MLLT10: variants seen among roughly 807,000 people sequenced by gnomAD.
MLLT10 encodes protein AF-10.
MLLT10 carries 30 observed loss-of-function variants against 129.1 expected under a neutral mutation model. The ratio of observed to expected loss-of-function variants is 0.23; its 90% CI spans 0.17 to 0.32. The LOEUF (loss-of-function observed/expected upper bound fraction) is 0.32. Ranked by LOEUF, MLLT10 falls within the 10% of genes least tolerant of loss-of-function variation. The pLI is 1.00. For missense variants in MLLT10, 1,119 were observed against 1,268.3 expected (o/e 0.88, Z 1.79); for synonymous variants, 490 against 446.4 (o/e 1.10, Z -1.23).
chr10:21,707,735 T>C (rs1054827880), intron 13 of MLLT10, among the ~76,000 whole-genome samples: 16 of 152,330 alleles, frequency 1.1e-4, no homozygotes, highest in Non-Finnish European at 2.1e-4. Flanking sequence ...TTAGCAAAAA[T>C]TCAGAACACC....
rs11012738 is a variant in MLLT10 at position 21,567,040 on chromosome 10, C to T, written c.241-19254C>T. 8.5e-5 allele frequency among the ~76,000 whole-genome samples: 13 copies of T among 152,060 alleles called. No homozygotes were observed. In the East Asian group the frequency reaches 1.5e-3, roughly 18 times the overall value. ...GTTGGTCAGGCTGTTCTCGAACTTC[C>T]GACTTGAGGTGATCCACCCACCTCG... On this transcript the variant is annotated intron_variant, in intron 3 of 22. Transcript: ENST00000307729.
At chr10:21,734,437 T>C (rs1564746924) in intron 20 of MLLT10, among the ~76,000 whole-genome samples, 2 of 152,226 alleles carry the variant, frequency 1.3e-5, no homozygotes, top group South Asian at 2.1e-4. Context: ...AAGAAAGATA[T>C]CGTAGTGGAG....
chr10:21,607,196 A>G (rs1017559753), intron 5 of MLLT10, among the ~76,000 whole-genome samples: 2 of 152,172 alleles, frequency 1.3e-5, no homozygotes, highest in Non-Finnish European at 2.9e-5. Context: ...ACTTGCAGAG[A>G]ACAGTTTTCT....
At chr10:21,543,245 C>T (rs575993121) in intron 3 of MLLT10, among the ~76,000 whole-genome samples, 63 of 152,052 alleles carry the variant, frequency 4.1e-4, no homozygotes, top group African/African-American at 1.5e-3. Flanking sequence ...CTCAGTCTCC[C>T]CAGTAGCTGG....
Position 21,742,004 on chromosome 10 carries a change from A to C in MLLT10, c.*21A>C. On this transcript the variant is annotated 3_prime_UTR_variant, in exon 23 of 23. Transcript: ENST00000307729. Reference sequence around the variant, plus strand: ...GTTGACACCTGAGAAACATCTAGAAATTGCCTATCCTGCTGTTCTAGCACT... The same window carrying C: ...GTTGACACCTGAGAAACATCTAGAACTTGCCTATCCTGCTGTTCTAGCACT... 1.2e-6 allele frequency: 2 copies of C among 1,611,238 alleles called. No individual in the cohort carries two copies. The highest frequency in any genetic ancestry group is 8.5e-7 in the Non-Finnish European group (1 of 1,178,992).
At position 21,740,107 on chromosome 10, in the gene MLLT10, G is replaced by A; in HGVS notation, c.3033G>A (p.Leu1011=). 1.9e-6 allele frequency: 3 copies of A among 1,614,060 alleles called. No homozygotes were observed. Among genetic ancestry groups the A allele is most frequent in the East Asian group, 2.2e-5 (1 of 44,886 alleles). The change falls in exon 22 of 23, where the codon CTG becomes CTA. Residue 1011 remains leucine, a synonymous_variant. Coordinates refer to ENST00000307729, the MANE Select transcript of MLLT10 (RefSeq NM_001195626.3). ...ACCACCAACCTGAACTTCAGCAGCT[G>A]CAGATCCCTGGACCAACACAAATAC... The part of the protein sequence containing the change: ...QQHHQPELQQ[L]QIPGPTQIPI...
In MLLT10 at chr10:21,673,780, A is replaced by T. The variant is rs754145831; in HGVS notation, c.1482A>T (p.Ser494=). 6.2e-7 allele frequency: 1 copy of T among 1,614,196 alleles called. No homozygotes were observed. Among genetic ancestry groups the T allele is most frequent in the Non-Finnish European group, 8.5e-7 (1 of 1,180,026 alleles). ...ATCAAGAGAATGTTTCTCATCTCTC[A>T]GTTTCTTCTGCTTCACCAACATCAT... ...NKNQENVSHL[S]VSSASPTSSV... is the part of the protein sequence containing the mutation. Residue 494 remains serine (S), a synonymous_variant, in exon 11 of 23, where the codon TCA becomes TCT. Coordinates refer to ENST00000307729, the MANE Select transcript of MLLT10 (RefSeq NM_001195626.3).
chr10:21,549,630 C>CAAGTGTG (rs2036651331), intron 3 of MLLT10, among the ~76,000 whole-genome samples: 1 of 148,168 alleles, frequency 6.7e-6, no homozygotes, highest in Non-Finnish European at 1.5e-5. Context: ...GGGTAAGCTT[C>CAAGTGTG]AAGTGTGGTC....
chr10:21,580,010 G>A (rs1589052947), intron 3 of MLLT10, among the ~76,000 whole-genome samples: 1 of 149,004 alleles, frequency 6.7e-6, no homozygotes. Flanking sequence ...TTTTTGTTTT[G>A]TTTTTTCTTT....
chr10:21,534,137 G>C, upstream of MLLT10: 1 of 335,082 alleles, frequency 3.0e-6, no homozygotes, highest in East Asian at 4.4e-5. Context: ...ACGGGGCCCC[G>C]GAGGTAGGCC....
intron 13 of MLLT10, among the ~76,000 whole-genome samples, chr10:21,711,780 G>A (rs577960237): frequency 3.9e-5 from 6 of 152,212 alleles, no homozygotes; most frequent in Non-Finnish European, 5.9e-5. Context: ...AAATTAGCTT[G>A]AAAAGCAACA....
At chr10:21,585,388 G>C (rs2041896011) in intron 3 of MLLT10, among the ~76,000 whole-genome samples, 1 of 152,010 alleles carries the variant, frequency 6.6e-6, no homozygotes, top group Admixed American at 6.6e-5. Flanking sequence ...TTTTATTTTT[G>C]GTTTTAAATT....
chr10:21,709,592 T>C (rs2055875364), intron 13 of MLLT10, among the ~76,000 whole-genome samples: 1 of 152,266 alleles, frequency 6.6e-6, no homozygotes, highest in Non-Finnish European at 1.5e-5. Context: ...TCAATATTTG[T>C]TGAATTATCT....
chr10:21,535,899 C>T (rs1480829751), intron 2 of MLLT10, among the ~76,000 whole-genome samples: 1 of 152,202 alleles, frequency 6.6e-6, no homozygotes, highest in Non-Finnish European at 1.5e-5. Context: ...AGGTAGTGTA[C>T]TTACTCTGAG....
chr10:21,697,338 C>T (rs552322518), intron 13 of MLLT10, among the ~76,000 whole-genome samples: 2 of 151,940 alleles, frequency 1.3e-5, no homozygotes, highest in African/African-American at 2.4e-5. Context: ...TGGTGGAAGG[C>T]GCCTGTAATC....
intron 10 of MLLT10, among the ~76,000 whole-genome samples, chr10:21,671,251 A>C (rs986888007): frequency 6.6e-5 from 10 of 152,198 alleles, no homozygotes; most frequent in Non-Finnish European, 1.5e-5. Context: ...TGCTGATCTC[A>C]GGTGATCCTC....
chr10:21,702,348 T>G (rs1017298917), intron 13 of MLLT10, among the ~76,000 whole-genome samples: 2 of 152,242 alleles, frequency 1.3e-5, no homozygotes, highest in African/African-American at 4.8e-5. Flanking sequence ...AGATTTGTTT[T>G]GTGTCCTGAC....
intron 3 of MLLT10, among the ~76,000 whole-genome samples, chr10:21,543,150 C>T (rs922495197): frequency 2.6e-5 from 4 of 151,750 alleles, no homozygotes; most frequent in Non-Finnish European, 5.9e-5. Flanking sequence ...GATGGAGTTT[C>T]GTTCTTGTTG....
intron 14 of MLLT10, among the ~76,000 whole-genome samples, chr10:21,717,819 T>TCCTCCTTCTC: frequency 9.3e-6 from 1 of 107,216 alleles, no homozygotes; most frequent in South Asian, 3.2e-4. Flanking sequence ...TTCTCCTTCT[T>TCCTCCTTCTC]CTCCTCCTTC....
Sources: allele counts gnomAD v4.1 joint callset (sites outside exome capture counted in the v4.1 genomes callset), GRCh38; gene constraint gnomAD v4.1.1; transcripts MANE v1.5; gene names NCBI Gene and HGNC (gene_info 2026-07-23, HGNC 2026-07-21).